SLC6A5: variants seen among roughly 807,000 people sequenced by gnomAD.
SLC6A5 encodes solute carrier family 6 member 5, also known as sodium- and chloride-dependent glycine transporter 2.
Under a neutral mutation model 90.5 loss-of-function variants are expected in SLC6A5, and 58 were observed. The observed-to-expected ratio is 0.64, with a 90% CI of 0.52 to 0.80. SLC6A5 has a LOEUF of 0.80. SLC6A5 is among the 30% of genes least tolerant of loss of function. The pLI is 0.00. For synonymous variants in SLC6A5, 427 were observed against 401.4 expected (o/e 1.06, Z -0.76); for missense variants, 1,015 against 1,017.6 (o/e 1.00, Z 0.03).
intron 15 of SLC6A5, among the ~76,000 whole-genome samples, chr11:20,653,038 C>A (rs1009426770): frequency 2.0e-5 from 3 of 152,148 alleles, no homozygotes; most frequent in Admixed American, 6.5e-5. Context: ...GGACCCAATT[C>A]CCATCTCTAA....
At chr11:20,653,873 G>A (rs1853585487) in intron 15 of SLC6A5, among the ~76,000 whole-genome samples, 1 of 152,138 alleles carries the variant, frequency 6.6e-6, no homozygotes, top group South Asian at 2.1e-4. Context: ...TAATTGAGTT[G>A]GCTATATAAA....
intron 13 of SLC6A5, 32 bp downstream of exon 13, chr11:20,638,590 A>G: frequency 2.3e-6 from 3 of 1,328,992 alleles, no homozygotes; most frequent in South Asian, 2.3e-5. Flanking sequence ...TTGCTGAAGT[A>G]GAGCTTGAGT....
chr11:20,630,397 A>T (rs1202010613), intron 9 of SLC6A5, among the ~76,000 whole-genome samples: 3 of 152,192 alleles, frequency 2.0e-5, no homozygotes, highest in Non-Finnish European at 4.4e-5. Context: ...CAGCCAATGA[A>T]TTTGAGATGG....
chr11:20,641,741 G>A (rs1253078292), intron 13 of SLC6A5, among the ~76,000 whole-genome samples: 1 of 152,152 alleles, frequency 6.6e-6, no homozygotes, highest in African/African-American at 2.4e-5. Flanking sequence ...AAATGTGTGT[G>A]AGTATGTCAT....
chr11:20,609,702 G>T (rs759372750), intron 5 of SLC6A5, among the ~76,000 whole-genome samples: 58 of 152,190 alleles, frequency 3.8e-4, no homozygotes, highest in Non-Finnish European at 6.6e-4. Context: ...GGAGAGAGGG[G>T]CTGAATGGCT....
At chr11:20,627,657 A>G (rs1384315723) in intron 8 of SLC6A5, among the ~76,000 whole-genome samples, 1 of 152,156 alleles carries the variant, frequency 6.6e-6, no homozygotes, top group Non-Finnish European at 1.5e-5. Context: ...GTTGTAAATT[A>G]TTATTTTCTG....
chr11:20,620,621 C>T (rs2133791485), intron 7 of SLC6A5, among the ~76,000 whole-genome samples: 1 of 152,268 alleles, frequency 6.6e-6, no homozygotes, highest in East Asian at 1.9e-4. Context: ...AGGCACTGTG[C>T]TGGCTGCTTC....
intron 12 of SLC6A5, among the ~76,000 whole-genome samples, chr11:20,637,644 C>T (rs1371094228): frequency 6.6e-6 from 1 of 152,200 alleles, no homozygotes; most frequent in East Asian, 1.9e-4. Context: ...GCCAGGAGTT[C>T]AAGGTTGCAG....
chr11:20,653,177 A>G (rs547599810), intron 15 of SLC6A5, among the ~76,000 whole-genome samples: 3 of 152,314 alleles, frequency 2.0e-5, no homozygotes, highest in Non-Finnish European at 2.9e-5. Context: ...GGAATCACTC[A>G]GCCCTGCCTC....
intron 10 of SLC6A5, among the ~76,000 whole-genome samples, chr11:20,632,135 C>T (rs573493200): frequency 2.6e-5 from 4 of 152,222 alleles, no homozygotes; most frequent in Non-Finnish European, 4.4e-5. Flanking sequence ...AGAGGGTAAA[C>T]GGGTTTTGTC....
At chr11:20,621,520 G>A (rs1227940676) in intron 7 of SLC6A5, among the ~76,000 whole-genome samples, 1 of 152,148 alleles carries the variant, frequency 6.6e-6, no homozygotes, top group Non-Finnish European at 1.5e-5. Flanking sequence ...CTGCTTCATT[G>A]AGAAAAGTTT....
chr11:20,658,295 T>C lies in SLC6A5; in HGVS notation c.*3427T>C, dbSNP rs915797274. Reference sequence around the variant, plus strand: ...AGGTCATTGTCCTCTTCCCAGAGGCTAGCACAATAACTGTTGCTCAATGTA... The same window carrying C: ...AGGTCATTGTCCTCTTCCCAGAGGCCAGCACAATAACTGTTGCTCAATGTA... On this transcript the variant is annotated 3_prime_UTR_variant, in exon 16 of 16. Coordinates refer to ENST00000525748, the MANE Select transcript of SLC6A5 (RefSeq NM_004211.5). 2.6e-5 allele frequency: 4 copies of C among 152,244 alleles called. No homozygotes were observed. Among genetic ancestry groups the C allele is most frequent in the Admixed American group, 2.6e-4 (4 of 15,276 alleles). The allele number at this position is 152,244 out of a possible 1,614,324, so 9.4% of individuals were successfully genotyped here.
intron 11 of SLC6A5, among the ~76,000 whole-genome samples, chr11:20,636,677 A>G (rs1223925198): frequency 6.6e-6 from 1 of 152,202 alleles, no homozygotes; most frequent in East Asian, 1.9e-4. Flanking sequence ...TAGCCTGTGT[A>G]TCTCCTGCCT....
At position 20,607,618 on chromosome 11, in the gene SLC6A5, G is replaced by C. The variant is rs1443551; in HGVS notation, c.951G>C (p.Thr317=). 1 of 1,613,594 alleles carries C rather than the reference G, an allele frequency of 6.2e-7. No homozygotes were observed. The highest frequency in any genetic ancestry group is 8.5e-7 in the Non-Finnish European group (1 of 1,179,708). The change falls in exon 5 of 16, where the codon ACG becomes ACC. Residue 317 remains threonine (T), a synonymous_variant. Coordinates refer to ENST00000525748, the MANE Select transcript of SLC6A5 (RefSeq NM_004211.5). ...PWGSCNNPWN[T]PECKDKTKLL... ...GCTCCTGCAACAACCCTTGGAATAC[G>C]CCAGAATGCAAAGATAAAACCAAAC...
Position 20,655,065 on chromosome 11 carries a change from G to A in SLC6A5, c.*197G>A, listed in dbSNP as rs1003896714. ...TAAAGAGCTACATAGACCACCTGAA[G>A]CGCTGTTTGCCTGTGCCCATGGTGA... On this transcript the variant is annotated 3_prime_UTR_variant, in exon 16 of 16. Transcript: ENST00000525748. The A allele has an allele frequency of 2.2e-5, 14 of 635,934 alleles. No individual in the cohort carries two copies. Among genetic ancestry groups the A allele is most frequent in the African/African-American group, 3.6e-5 (2 of 55,834 alleles). The allele number at this position is 635,934 out of a possible 1,614,324, so 39.4% of individuals were successfully genotyped here. A position where few individuals can be genotyped will look rare whatever the true frequency, so the allele number is the denominator to read the frequency against.
Position 20,654,897 on chromosome 11 carries a change from A to T in SLC6A5, c.*29A>T. ...AGTGGTGTGGGATGGTCCAGACTTG[A>T]TCCTGTTTTTCCTCTCTGCCTCCTC... On this transcript the variant is annotated 3_prime_UTR_variant, in exon 16 of 16. Coordinates refer to ENST00000525748, the MANE Select transcript of SLC6A5 (RefSeq NM_004211.5). 1 of 1,612,060 alleles carries T rather than the reference A, an allele frequency of 6.2e-7. No homozygotes were observed. The highest frequency in any genetic ancestry group is 8.5e-7 in the Non-Finnish European group (1 of 1,178,152).
chr11:20,626,975 A>C, intron 8 of SLC6A5, 133 bp downstream of exon 8: 4 of 727,974 alleles, frequency 5.5e-6, no homozygotes, highest in Non-Finnish European at 9.7e-6. Flanking sequence ...ATCTTGGTAC[A>C]TTATGCACTC....
In SLC6A5 at chr11:20,619,628, G is replaced by GT. The variant is rs2133790492; in HGVS notation, c.1260+1744_1260+1745insT. On this transcript the variant is annotated intron_variant, in intron 7 of 15. Coordinates refer to ENST00000525748, the MANE Select transcript of SLC6A5 (RefSeq NM_004211.5). Reference sequence around the variant, plus strand: ...TCTGATTTTGCTCTTAGCTTTAATTGCTTTTTTTTTGGCCAATAAATGAAA... The same window carrying GT: ...TCTGATTTTGCTCTTAGCTTTAATTGTCTTTTTTTTTGGCCAATAAATGAAA... 2.6e-5 allele frequency among the ~76,000 whole-genome samples: 2 copies of GT among 76,148 alleles called. 1 individual carries two copies. The highest frequency in any genetic ancestry group is 2.6e-4 in the Admixed American group (2 of 7,688). The allele number at this position is 76,148 out of a possible 152,430, so 50.0% of individuals were successfully genotyped here. A position where few individuals can be genotyped will look rare whatever the true frequency, so the allele number is the denominator to read the frequency against.
chr11:20,629,938 G>A (rs764543960), intron 9 of SLC6A5, among the ~76,000 whole-genome samples: 28 of 152,016 alleles, frequency 1.8e-4, no homozygotes, highest in Admixed American at 1.3e-3. Context: ...GGTGAGGCTG[G>A]TCTCGAACTC....
Sources: gnomAD v4.1 joint callset for allele counts (sites outside exome capture counted in the v4.1 genomes callset) on GRCh38, gnomAD v4.1.1 for gene constraint, MANE v1.5 for transcripts, NCBI Gene and HGNC (gene_info 2026-07-23, HGNC 2026-07-21) for gene names.